Variants in SLC1A1 observed in about 807,000 individuals in gnomAD.
The protein encoded by SLC1A1 is excitatory amino acid transporter 3.
SLC1A1 carries 43 observed loss-of-function variants against 53.3 expected under a neutral mutation model. The observed-to-expected ratio is 0.81, with a 90% CI of 0.63 to 1.04. SLC1A1 has a LOEUF of 1.04. Among genes scored for constraint, SLC1A1 ranks in the 50% least tolerant of loss-of-function variants. The probability of loss-of-function intolerance (pLI) is 0.00; values close to 1 mark genes in which losing one functional copy is unlikely to be tolerated. For missense variants in SLC1A1, 748 were observed against 664.9 expected, an observed-to-expected ratio of 1.12 and a Z score of -1.37; for synonymous variants, 307 against 243.2, an observed-to-expected ratio of 1.26 and a Z score of -2.44.
chr9:4,578,182 G>C (rs1820740084), intron 10 of SLC1A1, among the ~76,000 whole-genome samples: 1 of 152,142 alleles, frequency 6.6e-6, no homozygotes, highest in Admixed American at 6.5e-5. Flanking sequence ...CAGGAACATG[G>C]GCTTAATAAT....
chr9:4,492,625 G>A (rs1189957142), intron 1 of SLC1A1, among the ~76,000 whole-genome samples: 2 of 151,912 alleles, frequency 1.3e-5, no homozygotes, highest in Admixed American at 6.6e-5. Context: ...ATGGCAAAAT[G>A]CCATCTCTAC....
intron 1 of SLC1A1, among the ~76,000 whole-genome samples, chr9:4,528,976 A>G (rs1384605701): frequency 6.6e-6 from 1 of 152,084 alleles, no homozygotes; most frequent in African/African-American, 2.4e-5. Flanking sequence ...CCACCCTGTT[A>G]CCCAAGCTAG....
At chr9:4,567,862 C>G (rs569477306) in intron 6 of SLC1A1, 95 bp downstream of exon 6, 86 of 860,970 alleles carry the variant, frequency 1.0e-4, no homozygotes, top group Non-Finnish European at 1.6e-4. Context: ...TTCACAGAAT[C>G]GCATTTGCAA....
chr9:4,557,130 G>C (rs1818471037), intron 2 of SLC1A1, among the ~76,000 whole-genome samples: 2 of 152,188 alleles, frequency 1.3e-5, no homozygotes, highest in Non-Finnish European at 2.9e-5. Context: ...TTTGTAAGCA[G>C]ACGATTACTT....
rs898525380 is a variant in SLC1A1, at chr9:4,586,443, G to T, written c.*885G>T. 4.6e-5 allele frequency: 7 copies of T among 152,250 alleles called. No individual in the cohort carries two copies. The highest frequency in any genetic ancestry group is 1.4e-4 in the African/African-American group (6 of 41,532). 9.4% of individuals were successfully genotyped at this position (152,250 alleles called of 1,614,324 possible). A position where few individuals can be genotyped will look rare whatever the true frequency, so the allele number is the denominator to read the frequency against. On this transcript the variant is annotated 3_prime_UTR_variant, in exon 12 of 12. Transcript: ENST00000262352. The stretch of plus-strand genomic sequence containing the variant: ...ATCTGTATATCAGCTCTAAAGCAGA[G>T]ATGTATTATGGTGATACTCCAAGGT...
rs1226515236 is a variant in SLC1A1 at position 4,537,287 on chromosome 9, C to T, written c.92-7280C>T. Among the ~76,000 whole-genome samples the T allele has an allele frequency of 1.0e-4, 4 of 38,126 alleles. 1 individual carries two copies. In the South Asian group the frequency reaches 1.2e-3, roughly 12 times the overall value. 25.0% of individuals were successfully genotyped at this position (38,126 alleles called of 152,430 possible). A position where few individuals can be genotyped will look rare whatever the true frequency, so the allele number is the denominator to read the frequency against. ...TAAAAAAATCACATGCGGCCGGGCG[C>T]GGTGGCTCACGCCTGTAATCCCAGC... is the stretch of plus-strand genomic sequence containing the variant. On this transcript the variant is annotated intron_variant, in intron 1 of 11. Transcript: ENST00000262352.
chr9:4,505,926 C>T (rs1055092968), intron 1 of SLC1A1, among the ~76,000 whole-genome samples: 4 of 152,210 alleles, frequency 2.6e-5, no homozygotes, highest in African/African-American at 9.6e-5. Flanking sequence ...CGAGTTCAAG[C>T]GATTCTCCTG....
At chr9:4,522,092 C>A (rs147025121) in intron 1 of SLC1A1, among the ~76,000 whole-genome samples, 4 of 140,170 alleles carry the variant, frequency 2.9e-5, no homozygotes, top group Non-Finnish European at 6.0e-5. Context: ...TACTCTGTCG[C>A]CCAGGCTGGA....
chr9:4,539,664 C>A (rs1296696108), intron 1 of SLC1A1, among the ~76,000 whole-genome samples: 2 of 152,072 alleles, frequency 1.3e-5, no homozygotes, highest in Non-Finnish European at 2.9e-5. Context: ...CTCTGCCTCC[C>A]AGGTTCAAGC....
rs1261297856 is a variant in SLC1A1 at position 4,583,902 on chromosome 9, AC to A, written c.1328+731del. Among the ~76,000 whole-genome samples, 1 of 148,042 alleles carries A rather than the reference AC, an allele frequency of 6.8e-6. No homozygotes were observed. The highest frequency in any genetic ancestry group is 1.5e-5 in the Non-Finnish European group (1 of 66,512). Reference sequence around the variant, plus strand: ...CTCTCTCACACACACACACACACACACACACACACATATGGAATACAGCAGA... The same window carrying A: ...CTCTCTCACACACACACACACACACAACACACACATATGGAATACAGCAGA... On this transcript the variant is annotated intron_variant, in intron 11 of 11. Transcript: ENST00000262352. The surrounding 1 kb of genome is among the most constrained non-coding windows in gnomAD (Gnocchi z 4.6).
chr9:4,579,401 T>C (rs1820857312), intron 10 of SLC1A1, among the ~76,000 whole-genome samples: 2 of 152,256 alleles, frequency 1.3e-5, no homozygotes, highest in African/African-American at 2.4e-5. Context: ...GAGTGGTTTA[T>C]GAAGTGCCTA....
At chr9:4,511,364 G>A (rs1433503216) in intron 1 of SLC1A1, among the ~76,000 whole-genome samples, 2 of 151,970 alleles carry the variant, frequency 1.3e-5, no homozygotes, top group African/African-American at 4.8e-5. Flanking sequence ...CAGCTCTCTG[G>A]GACTCTTTCA....
intron 1 of SLC1A1, among the ~76,000 whole-genome samples, chr9:4,508,640 G>A (rs576449653): frequency 7.1e-4 from 108 of 152,272 alleles, no homozygotes; most frequent in African/African-American, 2.5e-3. Flanking sequence ...TTCTGGGTTC[G>A]ATGGCCCTGA....
At position 4,532,434 on chromosome 9, in the gene SLC1A1, G is replaced by A. The variant is rs371308063; in HGVS notation, c.92-12133G>A. On this transcript the variant is annotated intron_variant, in intron 1 of 11. Coordinates refer to ENST00000262352, the MANE Select transcript of SLC1A1 (RefSeq NM_004170.6). Reference sequence around the variant, plus strand: ...GACAAATGCACAAGCCTCAGTAGCCGATTCAATCAACTGGAATAAAGGGTA... The same window carrying A: ...GACAAATGCACAAGCCTCAGTAGCCAATTCAATCAACTGGAATAAAGGGTA... Among the ~76,000 whole-genome samples the A allele has an allele frequency of 1.2e-4, 19 of 152,220 alleles. No homozygotes were observed. In the East Asian group the frequency reaches 2.3e-3, roughly 19 times the overall value.
intron 1 of SLC1A1, among the ~76,000 whole-genome samples, chr9:4,535,365 G>C (rs145867523): frequency 1.6e-4 from 24 of 152,054 alleles, no homozygotes; most frequent in Non-Finnish European, 2.9e-5. Flanking sequence ...AAAGTCTCAG[G>C]ATACAAAATC....
At chr9:4,491,457 GCCTT>G (rs1182051643) in intron 1 of SLC1A1, among the ~76,000 whole-genome samples, 3 of 152,226 alleles carry the variant, frequency 2.0e-5, no homozygotes, top group Non-Finnish European at 4.4e-5. Flanking sequence ...CTCTTCTCCT[GCCTT>G]CCTTGCTCTC....
intron 6 of SLC1A1, among the ~76,000 whole-genome samples, chr9:4,571,033 G>A (rs545142174): frequency 1.3e-5 from 2 of 152,264 alleles, no homozygotes; most frequent in South Asian, 4.2e-4. Context: ...TATATACCAT[G>A]GAATGCTATG....
rs34559140 is a variant in SLC1A1, at chr9:4,518,234, C to CAAA, written c.92-26310_92-26308dup. ...TAGGTGAAAGAGCGATATTCCACCT[C>CAAA]AAAAAAAAAAAAAAAAAAAAAAAAA... is the stretch of plus-strand genomic sequence containing the variant. On this transcript the variant is annotated intron_variant, in intron 1 of 11. Transcript: ENST00000262352. Among the ~76,000 whole-genome samples, 242 of 60,298 alleles carry CAAA rather than the reference C, an allele frequency of 4.0e-3. 1 individual carries two copies. Among genetic ancestry groups the CAAA allele is most frequent in the Non-Finnish European group, 4.7e-3 (171 of 36,156 alleles). The allele number at this position is 60,298 out of a possible 152,430, so 39.6% of individuals were successfully genotyped here.
intron 10 of SLC1A1, among the ~76,000 whole-genome samples, chr9:4,579,231 G>C (rs983919650): frequency 1.3e-5 from 2 of 152,180 alleles, no homozygotes; most frequent in Admixed American, 6.5e-5. Flanking sequence ...ACAGCAGAGG[G>C]TATGTCAAAA....
Sources: allele counts gnomAD v4.1 joint callset (sites outside exome capture counted in the v4.1 genomes callset), GRCh38; gene constraint gnomAD v4.1.1; non-coding constraint Gnocchi (gnomAD v3.1); transcripts MANE v1.5; gene names NCBI Gene and HGNC (gene_info 2026-07-23, HGNC 2026-07-21).